The following ANKS1A variants were observed in gnomAD, a reference collection of about 807,000 sequenced individuals.
The protein encoded by ANKS1A is ankyrin repeat and sterile alpha motif domain containing 1A, also known as ankyrin repeat and SAM domain-containing protein 1A.
A neutral mutation model predicts 120.3 loss-of-function variants in ANKS1A; 55 were observed. The observed-to-expected ratio is 0.46, with a 90% CI of 0.37 to 0.57. The LOEUF (loss-of-function observed/expected upper bound fraction) is 0.57. ANKS1A is among the 20% of genes least tolerant of loss of function. The pLI is 0.00. For synonymous variants in ANKS1A, 590 were observed against 604.7 expected (o/e 0.98, Z 0.36); for missense variants, 1,123 against 1,480.3 (o/e 0.76, Z 3.96).
At chr6:34,900,868 C>T (rs1220939129) in intron 1 of ANKS1A, among the ~76,000 whole-genome samples, 1 of 151,940 alleles carries the variant, frequency 6.6e-6, no homozygotes, top group Non-Finnish European at 1.5e-5. Flanking sequence ...TGGCAAATTC[C>T]CTGGAACACA....
intron 2 of ANKS1A, among the ~76,000 whole-genome samples, chr6:34,969,149 A>G (rs1272534023): frequency 6.6e-6 from 1 of 152,178 alleles, no homozygotes; most frequent in African/African-American, 2.4e-5. Context: ...ATATACTGGT[A>G]TGTGTTTAAT....
chr6:35,022,326 C>T (rs573093931), intron 11 of ANKS1A, among the ~76,000 whole-genome samples: 2 of 152,170 alleles, frequency 1.3e-5, no homozygotes, highest in African/African-American at 2.4e-5. Flanking sequence ...ATGATGTTCT[C>T]CAGTTGGGGA....
chr6:34,960,658 C>T (rs1770587871), intron 1 of ANKS1A, among the ~76,000 whole-genome samples: 1 of 152,190 alleles, frequency 6.6e-6, no homozygotes, highest in Non-Finnish European at 1.5e-5. Flanking sequence ...CATATTCTTC[C>T]ATGCCCTCCA....
At position 35,085,651 on chromosome 6, in the gene ANKS1A, A is replaced by C; in HGVS notation, c.3133-115A>C. 822 of 856,442 alleles carry C rather than the reference A, an allele frequency of 9.6e-4. No individual in the cohort carries two copies. The highest frequency in any genetic ancestry group is 1.2e-3 in the Non-Finnish European group (702 of 584,556). The allele number at this position is 856,442 out of a possible 1,614,324, so 53.1% of individuals were successfully genotyped here. A position where few individuals can be genotyped will look rare whatever the true frequency, so the allele number is the denominator to read the frequency against. Reference sequence around the variant, plus strand: ...AAAGGAGGGAAGAGTGGAAGGAGGTAGGAGCGCTCCCGGGTAGACTTAGAG... The same window carrying C: ...AAAGGAGGGAAGAGTGGAAGGAGGTCGGAGCGCTCCCGGGTAGACTTAGAG... On this transcript the variant is annotated intron_variant, in intron 21 of 23. Transcript: ENST00000360359. This position sits in a 1 kb window ranked among gnomAD's most constrained non-coding sequence, Gnocchi z 4.7.
At chr6:35,030,729 G>A (rs1774867383) in intron 11 of ANKS1A, among the ~76,000 whole-genome samples, 1 of 151,934 alleles carries the variant, frequency 6.6e-6, no homozygotes, top group Middle Eastern at 3.2e-3. Context: ...TTACCTTCTT[G>A]GTAGGTCATG....
At chr6:34,922,423 A>G (rs1768483916) in intron 1 of ANKS1A, among the ~76,000 whole-genome samples, 1 of 152,164 alleles carries the variant, frequency 6.6e-6, no homozygotes, top group Admixed American at 6.5e-5. Flanking sequence ...AAACCTACCA[A>G]TTCAAGCTAT....
chr6:34,985,923 C>T (rs947740410), intron 8 of ANKS1A, among the ~76,000 whole-genome samples: 6 of 152,222 alleles, frequency 3.9e-5, no homozygotes, highest in African/African-American at 1.2e-4. Context: ...TACAGATGCT[C>T]CTTGACTTAC....
chr6:35,081,202 C>A, intron 17 of ANKS1A, 44 bp downstream of exon 17: 1 of 1,558,584 alleles, frequency 6.4e-7, no homozygotes, highest in South Asian at 1.2e-5. Context: ...CTACCTCATT[C>A]CTCTGGGTGG....
intron 1 of ANKS1A, among the ~76,000 whole-genome samples, chr6:34,930,035 G>A (rs529635152): frequency 5.9e-5 from 9 of 151,880 alleles, no homozygotes; most frequent in East Asian, 5.8e-4. Context: ...ATCTTTCATC[G>A]ATAGCTGTTA....
At chr6:34,926,968 T>C (rs1355256889) in intron 1 of ANKS1A, among the ~76,000 whole-genome samples, 3 of 152,228 alleles carry the variant, frequency 2.0e-5, no homozygotes, top group Non-Finnish European at 4.4e-5. Context: ...CAGGTTGAAT[T>C]CTGGCTCCAG....
At chr6:34,965,849 C>G (rs146844268) in intron 1 of ANKS1A, among the ~76,000 whole-genome samples, 74 of 151,928 alleles carry the variant, frequency 4.9e-4, no homozygotes, top group Admixed American at 1.4e-3. Context: ...TGGATTCAAG[C>G]AATTCTTCTG....
intron 11 of ANKS1A, among the ~76,000 whole-genome samples, chr6:35,043,562 G>A (rs1775571427): frequency 6.6e-6 from 1 of 152,216 alleles, no homozygotes; most frequent in Non-Finnish European, 1.5e-5. Context: ...AGGCACTGCT[G>A]CCAGTTCCTC....
At chr6:34,983,044 A>G (rs1050166672) in intron 5 of ANKS1A, 69 bp from the exon 6 acceptor site, 2 of 1,488,940 alleles carry the variant, frequency 1.3e-6, no homozygotes, top group Non-Finnish European at 1.9e-6. Flanking sequence ...AAATGTCCTA[A>G]AATTTGACCC....
chr6:34,928,265 GAC>G (rs1487022066), intron 1 of ANKS1A, among the ~76,000 whole-genome samples: 5 of 152,188 alleles, frequency 3.3e-5, no homozygotes, highest in Admixed American at 2.0e-4. Context: ...CTGCTTAGAA[GAC>G]ACAGCACAGT....
rs760322044 is a variant in ANKS1A at position 35,017,575 on chromosome 6, T to C, written c.1526T>C (p.Val509Ala). The C allele has an allele frequency of 2.0e-5, 33 of 1,613,936 alleles. No homozygotes were observed. The highest frequency in any genetic ancestry group is 2.6e-5 in the Non-Finnish European group (31 of 1,179,992). The change falls in exon 11 of 24, where the codon GTG (valine) becomes GCG (alanine). Residue 509 changes from valine to alanine, a missense_variant. Around this residue, in one of 3 missense-constraint regions of ANKS1A, gnomAD observed 904 missense variants for 1,130.4 expected, o/e 0.80. Coordinates refer to ENST00000360359, the MANE Select transcript of ANKS1A (RefSeq NM_015245.3). Reference sequence around the variant, plus strand: ...GGCCTCCTCCACGGCTCCTCCCCGGTGTGCGAGGTGGGGCAGGACCCTTTC... The same window carrying C: ...GGCCTCCTCCACGGCTCCTCCCCGGCGTGCGAGGTGGGGCAGGACCCTTTC... ...FSGLLHGSSP[V>A]CEVGQDPFQL... is the part of the protein sequence containing the mutation.
chr6:34,948,195 C>G (rs1229391925), intron 1 of ANKS1A, among the ~76,000 whole-genome samples: 1 of 150,916 alleles, frequency 6.6e-6, no homozygotes, highest in Non-Finnish European at 1.5e-5. Flanking sequence ...CTTTGTTCAG[C>G]CATTTTCAGT....
chr6:35,086,472 C>T lies in ANKS1A; in HGVS notation c.3304-480C>T, dbSNP rs1029714707. On this transcript the variant is annotated intron_variant, in intron 22 of 23. Transcript: ENST00000360359. The surrounding 1 kb of genome is among the most constrained non-coding windows in gnomAD (Gnocchi z 5.1). ...CCTCTGCCTGTGTGACATTCTTTCCCCTCTTCCTGAGATGCCCTCTGCCTG... is the reference window on the plus strand; with the variant it reads ...CCTCTGCCTGTGTGACATTCTTTCCTCTCTTCCTGAGATGCCCTCTGCCTG... The T allele has an allele frequency of 3.8e-6, 3 of 780,106 alleles. No individual in the cohort carries two copies. The highest frequency in any genetic ancestry group is 4.7e-5 in the Admixed American group (2 of 42,462). The allele number at this position is 780,106 out of a possible 1,614,324, so 48.3% of individuals were successfully genotyped here. A position where few individuals can be genotyped will look rare whatever the true frequency, so the allele number is the denominator to read the frequency against.
chr6:35,081,227 G>A, intron 17 of ANKS1A, 69 bp downstream of exon 17: 1 of 1,485,398 alleles, frequency 6.7e-7, no homozygotes, highest in Non-Finnish European at 9.0e-7. Flanking sequence ...GGGCCTCCCA[G>A]AACCACCTGC....
chr6:34,985,009 G>T (rs771570450), intron 7 of ANKS1A, 73 bp from the exon 8 acceptor site: 216 of 1,441,948 alleles, frequency 1.5e-4, no homozygotes, highest in Non-Finnish European at 2.0e-4. Flanking sequence ...AGAGGCTTTG[G>T]GTTGCTGCAG....
Sources: allele counts gnomAD v4.1 joint callset (sites outside exome capture counted in the v4.1 genomes callset), GRCh38; gene constraint gnomAD v4.1.1; regional missense constraint gnomAD v4.1.1; non-coding constraint Gnocchi (gnomAD v3.1); transcripts MANE v1.5; gene names NCBI Gene and HGNC (gene_info 2026-07-23, HGNC 2026-07-21).